The following KSR2 variants were observed in gnomAD, a reference collection of about 807,000 sequenced individuals.
KSR2 encodes the protein kinase suppressor of ras 2.
In KSR2, 25 loss-of-function variants were observed where a neutral mutation model predicts 107.8. The observed-to-expected ratio is 0.23, with a 90% confidence interval of 0.17 to 0.32. The LOEUF (loss-of-function observed/expected upper bound fraction) is 0.32. Ranked by LOEUF, KSR2 falls within the 10% of genes least tolerant of loss-of-function variation. The pLI is 1.00. For missense variants in KSR2, 887 were observed against 1,268.9 expected (o/e 0.70, Z 4.57); for synonymous variants, 480 against 507.0 (o/e 0.95, Z 0.71).
rs140437306 is a variant in KSR2, at chr12:117,889,081, G to A, written c.181-28650C>T. 1.9e-4 allele frequency among the ~76,000 whole-genome samples: 29 copies of A among 152,302 alleles called. No individual in the cohort carries two copies. The East Asian group carries it at 5.6e-3, about 29-fold the overall frequency. ...GAAACCAAAGTGCAATCAGGCACTT[G>A]AATGATGCACCCAGCATCTTCCATG... On this transcript the variant is annotated intron_variant, in intron 1 of 19. Coordinates refer to ENST00000339824, the MANE Select transcript of KSR2 (RefSeq NM_173598.6).
At chr12:117,740,761 T>C (rs1444471531) in intron 4 of KSR2, among the ~76,000 whole-genome samples, 1 of 151,328 alleles carries the variant, frequency 6.6e-6, no homozygotes, top group Non-Finnish European at 1.5e-5. Context: ...CAATTGCAAA[T>C]TGTGCTGCTA....
At chr12:117,553,894 A>G (rs816190) in intron 9 of KSR2, among the ~76,000 whole-genome samples, 47,822 of 144,188 alleles carry the variant, frequency 0.33, 8,033 homozygotes, top group East Asian at 0.42. Context: ...CCTTCCTTTC[A>G]CCGTGTGATG....
intron 3 of KSR2, among the ~76,000 whole-genome samples, chr12:117,802,022 G>T (rs1451926745): frequency 4.6e-5 from 7 of 152,284 alleles, no homozygotes; most frequent in Admixed American, 4.6e-4. Flanking sequence ...ATGACAATAA[G>T]ATTAGGGGCT....
At chr12:117,945,522 T>A (rs1166612361) in intron 1 of KSR2, among the ~76,000 whole-genome samples, 2 of 151,876 alleles carry the variant, frequency 1.3e-5, no homozygotes, top group Non-Finnish European at 2.9e-5. Context: ...ATACAAAAAT[T>A]AGCCGGACGT....
At chr12:117,920,936 C>T (rs1458072427) in intron 1 of KSR2, among the ~76,000 whole-genome samples, 1 of 152,168 alleles carries the variant, frequency 6.6e-6, no homozygotes, top group Non-Finnish European at 1.5e-5. Context: ...GGTAGAAACA[C>T]AACCCTCCTC....
At chr12:117,596,204 G>A (rs10774939) in intron 5 of KSR2, among the ~76,000 whole-genome samples, 55,571 of 151,984 alleles carry the variant, frequency 0.37, 11,416 homozygotes, top group African/African-American at 0.56. Flanking sequence ...CGAAAGGCAC[G>A]TCTTACATGG....
At chr12:117,810,143 G>GT (rs990876805) in intron 3 of KSR2, among the ~76,000 whole-genome samples, 1 of 151,668 alleles carries the variant, frequency 6.6e-6, no homozygotes, top group Non-Finnish European at 1.5e-5. Context: ...ATCTCGGTTT[G>GT]TTTTTTTTGT....
intron 3 of KSR2, among the ~76,000 whole-genome samples, chr12:117,816,568 T>C (rs1461296182): frequency 4.6e-5 from 7 of 152,194 alleles, no homozygotes; most frequent in South Asian, 2.1e-4. Flanking sequence ...AGGAAGGCCA[T>C]GATGGCTGAG....
At chr12:117,636,466 C>T (rs111983255) in intron 5 of KSR2, among the ~76,000 whole-genome samples, 25,058 of 151,436 alleles carry the variant, frequency 0.17, 2,153 homozygotes, top group Middle Eastern at 0.25. Flanking sequence ...AATAACAAAC[C>T]AGTCACACCC....
intron 4 of KSR2, among the ~76,000 whole-genome samples, chr12:117,719,883 T>G (rs1480259441): frequency 2.6e-5 from 4 of 152,220 alleles, no homozygotes. Flanking sequence ...AAGAGTCTTC[T>G]GAGGTTAGTG....
chr12:117,854,213 C>T (rs953064818), intron 3 of KSR2, among the ~76,000 whole-genome samples: 4 of 152,118 alleles, frequency 2.6e-5, no homozygotes, highest in African/African-American at 4.8e-5. Flanking sequence ...CGCCATGTTG[C>T]CCAGGCTGGT....
At chr12:117,534,255 C>G (rs1022835273) in intron 10 of KSR2, among the ~76,000 whole-genome samples, 1 of 152,200 alleles carries the variant, frequency 6.6e-6, no homozygotes, top group African/African-American at 2.4e-5. Flanking sequence ...CTTTCAACTG[C>G]ATCCCATGGA....
chr12:117,527,458 A>G (rs543932788), intron 12 of KSR2, among the ~76,000 whole-genome samples: 1 of 152,300 alleles, frequency 6.6e-6, no homozygotes, highest in South Asian at 2.1e-4. Flanking sequence ...CTTATCTAGC[A>G]GCTTTCTTAT....
In KSR2 at chr12:117,637,684, T is replaced by TTTTTG. The variant is rs1555223742; in HGVS notation, c.1171+29789_1171+29790insCAAAA. ...CAGCAGTCAGTTTTGGGTTTTTTTT[T>TTTTTG]TTTTTTTTTTTTTTTGAGACAGAGT... On this transcript the variant is annotated intron_variant, in intron 5 of 19. Coordinates refer to ENST00000339824, the MANE Select transcript of KSR2 (RefSeq NM_173598.6). Among the ~76,000 whole-genome samples the TTTTTG allele has an allele frequency of 2.9e-4, 38 of 133,032 alleles. 4 individuals carry two copies. In the South Asian group the frequency reaches 8.6e-3, roughly 30 times the overall value. The allele number at this position is 133,032 out of a possible 152,430, so 87.3% of individuals were successfully genotyped here. A position where few individuals can be genotyped will look rare whatever the true frequency, so the allele number is the denominator to read the frequency against.
At chr12:117,589,729 A>G (rs539169221) in intron 5 of KSR2, among the ~76,000 whole-genome samples, 1 of 152,316 alleles carries the variant, frequency 6.6e-6, no homozygotes, top group African/African-American at 2.4e-5. Context: ...GGATAACTCT[A>G]TTTGCTTTAA....
At chr12:117,526,084 A>G (rs992174803) in intron 13 of KSR2, among the ~76,000 whole-genome samples, 5 of 152,326 alleles carry the variant, frequency 3.3e-5, no homozygotes, top group Admixed American at 1.3e-4. Context: ...GACCATCTGT[A>G]TTAAACACCG....
chr12:117,818,852 G>A (rs768027336), intron 3 of KSR2, among the ~76,000 whole-genome samples: 13 of 152,104 alleles, frequency 8.5e-5, no homozygotes, highest in Admixed American at 6.5e-5. Context: ...CAATGGAGAC[G>A]TGGCCAAAGC....
intron 1 of KSR2, among the ~76,000 whole-genome samples, chr12:117,946,506 G>A (rs1186062449): frequency 6.6e-6 from 1 of 152,028 alleles, no homozygotes; most frequent in Non-Finnish European, 1.5e-5. Context: ...TTCCTTAAAA[G>A]CCACAAACTA....
intron 19 of KSR2, among the ~76,000 whole-genome samples, chr12:117,468,412 G>A (rs923581345): frequency 5.3e-5 from 8 of 152,306 alleles, no homozygotes; most frequent in Middle Eastern, 3.4e-3. Context: ...ATCTATGTCT[G>A]TCTGTAAAGT....
Sources: gnomAD v4.1 joint callset for allele counts (sites outside exome capture counted in the v4.1 genomes callset) on GRCh38, gnomAD v4.1.1 for gene constraint, MANE v1.5 for transcripts, NCBI Gene and HGNC (gene_info 2026-07-23, HGNC 2026-07-21) for gene names.